Variants in SLC35E4 observed in about 807,000 individuals in gnomAD.
SLC35E4 encodes the protein solute carrier family 35 member E4.
In SLC35E4, 15 loss-of-function variants were observed where a neutral mutation model predicts 19.3. That is an observed-to-expected ratio of 0.78 (90% CI 0.52 to 1.20). SLC35E4 has a LOEUF of 1.20. Among genes scored for constraint, SLC35E4 ranks in the 50% most tolerant of loss-of-function variants. SLC35E4 has a pLI of 0.00. For missense variants in SLC35E4, 406 were observed against 472.3 expected (o/e 0.86, Z 1.30); for synonymous variants, 219 against 219.9 (o/e 1.00, Z 0.04).
chr22:30,643,334 A>G (rs1377838780), intron 1 of SLC35E4, among the ~76,000 whole-genome samples: 2 of 152,228 alleles, frequency 1.3e-5, no homozygotes. Flanking sequence ...AAGAAGTTCT[A>G]GAGTCAAAGT....
At chr22:30,645,891 G>A (rs546926079) in intron 1 of SLC35E4, among the ~76,000 whole-genome samples, 1 of 149,972 alleles carries the variant, frequency 6.7e-6, no homozygotes, top group Admixed American at 6.7e-5. Flanking sequence ...TGCAATTTTG[G>A]CTCACTGCAA....
intron 2 of SLC35E4, among the ~76,000 whole-genome samples, chr22:30,658,148 G>T (rs1254674995): frequency 1.3e-5 from 2 of 151,416 alleles, no homozygotes; most frequent in Non-Finnish European, 2.9e-5. Context: ...AATCTCTCGG[G>T]GTTCTAGTTC....
At chr22:30,637,189 C>T (rs917952706) in intron 1 of SLC35E4, 120 bp downstream of exon 1, 6 of 1,414,250 alleles carry the variant, frequency 4.2e-6, no homozygotes, top group Admixed American at 2.5e-5. Flanking sequence ...AGGTTCATGG[C>T]TGTGGAGGAA....
At position 30,646,653 on chromosome 22, in the gene SLC35E4, G is replaced by A. The variant is rs1246702274; in HGVS notation, c.675G>A (p.Ser225=). The change falls in exon 2 of 2, where the codon TCG becomes TCA. Residue 225 remains serine (S), a synonymous_variant. Transcript: ENST00000343605. The stretch of plus-strand genomic sequence containing the variant: ...CGGTGACCCTGCTTTACGCCACCTC[G>A]CTGCCCAGCTTCTGCCTGCTGGCGG... The part of the protein sequence containing the change: ...LDAVTLLYAT[S]LPSFCLLAGA... 7.4e-6 allele frequency: 12 copies of A among 1,612,002 alleles called. No individual in the cohort carries two copies. Among genetic ancestry groups the A allele is most frequent in the African/African-American group, 1.3e-5 (1 of 74,904 alleles).
chr22:30,655,187 G>A (rs2088310172), intron 2 of SLC35E4, among the ~76,000 whole-genome samples: 1 of 151,954 alleles, frequency 6.6e-6, no homozygotes, highest in Non-Finnish European at 1.5e-5. Context: ...CAGGTATGGT[G>A]GCTCACACCT....
chr22:30,658,196 G>A (rs1447825278), intron 2 of SLC35E4, among the ~76,000 whole-genome samples: 7 of 151,464 alleles, frequency 4.6e-5, no homozygotes, highest in African/African-American at 1.7e-4. Context: ...TCTCCCACTG[G>A]CTGCAACTAA....
In SLC35E4 at chr22:30,647,240, A is replaced by G; in HGVS notation, c.*209A>G. 8.1e-6 allele frequency: 5 copies of G among 618,960 alleles called. No individual in the cohort carries two copies. The South Asian group carries it at 1.1e-4, about 14-fold the overall frequency. 38.3% of individuals were successfully genotyped at this position (618,960 alleles called of 1,614,324 possible). A position where few individuals can be genotyped will look rare whatever the true frequency, so the allele number is the denominator to read the frequency against. On this transcript the variant is annotated 3_prime_UTR_variant, in exon 2 of 2. Coordinates refer to ENST00000343605, the MANE Select transcript of SLC35E4 (RefSeq NM_001001479.4). ...TGGCAAAACCTCATCTCTACTAAAA[A>G]TAGAAAAATTAGCTGGGCATGGTGG...
Position 30,647,290 on chromosome 22 carries a change from T to G in SLC35E4, c.*259T>G. 2.1e-6 allele frequency: 1 copy of G among 471,938 alleles called. No individual in the cohort carries two copies. The highest frequency in any genetic ancestry group is 3.8e-6 in the Non-Finnish European group (1 of 265,670). 29.2% of individuals were successfully genotyped at this position (471,938 alleles called of 1,614,324 possible). ...GCGCGTGCCTATAGTCCCAGCTACATGGGAGGCTAAGGTGGGAGGATCACT... is the reference window on the plus strand; with the variant it reads ...GCGCGTGCCTATAGTCCCAGCTACAGGGGAGGCTAAGGTGGGAGGATCACT... On this transcript the variant is annotated 3_prime_UTR_variant, in exon 2 of 2. Coordinates refer to ENST00000343605, the MANE Select transcript of SLC35E4 (RefSeq NM_001001479.4).
At chr22:30,651,418 TATATATATA>T (rs1417393567), downstream of SLC35E4, among the ~76,000 whole-genome samples, 8 of 78,734 alleles carry the variant, frequency 1.0e-4, no homozygotes, top group African/African-American at 1.7e-4. Context: ...TATATATATA[TATATATATA>T]TTTTTTTTTT....
chr22:30,643,510 G>C (rs554623206), intron 1 of SLC35E4, among the ~76,000 whole-genome samples: 14 of 152,240 alleles, frequency 9.2e-5, no homozygotes, highest in Non-Finnish European at 1.5e-4. Context: ...TACTGAAGGA[G>C]GAGGAAAGGG....
downstream of SLC35E4, among the ~76,000 whole-genome samples, chr22:30,650,674 GGAC>G (rs2088194720): frequency 6.6e-6 from 1 of 152,096 alleles, no homozygotes; most frequent in Admixed American, 6.6e-5. Context: ...GAGCTGTAAT[GGAC>G]AAAGGCCTAG....
downstream of SLC35E4, chr22:30,663,814 T>C: frequency 6.2e-7 from 1 of 1,614,188 alleles, no homozygotes; most frequent in Non-Finnish European, 8.5e-7. Context: ...ATGTACTGGA[T>C]ATCCTCATAC....
chr22:30,637,004 C>G lies in SLC35E4; in HGVS notation c.554C>G (p.Pro185Arg). 1 of 1,602,658 alleles carries G rather than the reference C, an allele frequency of 6.2e-7. No homozygotes were observed. The highest frequency in any genetic ancestry group is 8.5e-7 in the Non-Finnish European group (1 of 1,172,306). The change falls in exon 1 of 2, where the codon CCC becomes CGC. Residue 185 changes from proline to arginine, a missense_variant. By Grantham distance (103) the Pro-to-Arg change is moderately radical. Coordinates refer to ENST00000343605, the MANE Select transcript of SLC35E4 (RefSeq NM_001001479.4). ...AGCCTGGCTGGAGAGTTCCGGACACCCCCTACCGGCTGTGGCTTCCTGCTC... is the reference window on the plus strand; with the variant it reads ...AGCCTGGCTGGAGAGTTCCGGACACGCCCTACCGGCTGTGGCTTCCTGCTC... ...ACSLAGEFRT[P>R]PTGCGFLLAA... is the part of the protein sequence containing the mutation.
downstream of SLC35E4, chr22:30,663,936 A>G: frequency 6.2e-7 from 1 of 1,614,186 alleles, no homozygotes; most frequent in Non-Finnish European, 8.5e-7. Context: ...GCTTTTGGTT[A>G]TCTGCGAGAG....
At chr22:30,640,328 G>A (rs897978932) in intron 1 of SLC35E4, among the ~76,000 whole-genome samples, 4 of 146,754 alleles carry the variant, frequency 2.7e-5, no homozygotes, top group Admixed American at 2.1e-4. Flanking sequence ...CCGAGATCAC[G>A]CCACTGCACT....
At chr22:30,655,429 CAAAAAAAAA>C (rs5844917) in intron 2 of SLC35E4, among the ~76,000 whole-genome samples, 4 of 111,678 alleles carry the variant, frequency 3.6e-5, no homozygotes, top group African/African-American at 1.5e-4. Flanking sequence ...GAGATCCTAC[CAAAAAAAAA>C]AAAAAAAAAA....
rs1032238463 is a variant in SLC35E4, at chr22:30,639,846, C to T, written c.619+2777C>T. ...CATGCTCTACAATTTGTGCAGTTAA[C>T]GCAATCATCACAGGGTCCTGAGGCG... On this transcript the variant is annotated intron_variant, in intron 1 of 1. Transcript: ENST00000343605. Among the ~76,000 whole-genome samples, 6 of 152,136 alleles carry T rather than the reference C, an allele frequency of 3.9e-5. No homozygotes were observed. The East Asian group carries it at 5.8e-4, about 15-fold the overall frequency.
At chr22:30,646,521 C>T (rs1489770585) in intron 1 of SLC35E4, 77 bp from the exon 2 acceptor site, 6 of 1,488,374 alleles carry the variant, frequency 4.0e-6, no homozygotes, top group Admixed American at 4.2e-5. Flanking sequence ...CTTGGAGGAT[C>T]GGCCATAGGG....
At chr22:30,658,555 G>A (rs948100479) in intron 2 of SLC35E4, among the ~76,000 whole-genome samples, 1 of 151,758 alleles carries the variant, frequency 6.6e-6, no homozygotes, top group Admixed American at 6.6e-5. Flanking sequence ...TGGCCCAAGA[G>A]TACACCCGCC....
Sources: gnomAD v4.1 joint callset for allele counts (sites outside exome capture counted in the v4.1 genomes callset) on GRCh38, gnomAD v4.1.1 for gene constraint, MANE v1.5 for transcripts, NCBI Gene and HGNC (gene_info 2026-07-23, HGNC 2026-07-21) for gene names.